Variants in SPSB1 observed in about 807,000 individuals in gnomAD.
SPSB1 encodes the protein SPRY domain-containing SOCS box protein 1.
In SPSB1, 8 loss-of-function variants were observed where a neutral mutation model predicts 21.2. The ratio of observed to expected loss-of-function variants is 0.38; its 90% CI spans 0.22 to 0.68. The LOEUF (loss-of-function observed/expected upper bound fraction) is 0.68. Among genes scored for constraint, SPSB1 ranks in the 30% least tolerant of loss-of-function variants. SPSB1 has a pLI of 0.53. For synonymous variants in SPSB1, 169 were observed against 161.7 expected (o/e 1.05, Z -0.34); for missense variants, 242 against 377.8 (o/e 0.64, Z 2.98).
intron 1 of SPSB1, among the ~76,000 whole-genome samples, chr1:9,334,140 C>G (rs11121372): frequency 6.6e-6 from 1 of 151,944 alleles, no homozygotes; most frequent in Non-Finnish European, 1.5e-5. Flanking sequence ...GGCTGGAGTG[C>G]GGTGGTGCGA....
Position 9,356,236 on chromosome 1 carries a change from G to T in SPSB1, c.345G>T (p.Val115=). 1 of 1,605,626 alleles carries T rather than the reference G, an allele frequency of 6.2e-7. No homozygotes were observed. The highest frequency in any genetic ancestry group is 8.5e-7 in the Non-Finnish European group (1 of 1,174,948). The change falls in exon 2 of 3, where the codon GTG becomes GTT. Residue 115 remains valine (V), a synonymous_variant. Coordinates refer to ENST00000328089, the MANE Select transcript of SPSB1 (RefSeq NM_025106.4). This position sits in a 1 kb window ranked among gnomAD's most constrained non-coding sequence, Gnocchi z 7.4. ...GACAGCGGGGCACACACGCCGTGGT[G>T]GGGGTGGCGACGGCAGACGCCCCCC... The part of the protein sequence containing the change: ...AMRQRGTHAV[V]GVATADAPLH...
At chr1:9,315,349 C>T (rs1639596299) in intron 1 of SPSB1, among the ~76,000 whole-genome samples, 1 of 152,272 alleles carries the variant, frequency 6.6e-6, no homozygotes, top group Non-Finnish European at 1.5e-5. Context: ...GAAGGCATCG[C>T]AGCAGCAGTC....
chr1:9,330,379 C>T (rs1007191876), intron 1 of SPSB1, among the ~76,000 whole-genome samples: 1 of 152,096 alleles, frequency 6.6e-6, no homozygotes, highest in African/African-American at 2.4e-5. Context: ...GCAGGAGAAT[C>T]GCTTGAACCC....
chr1:9,332,820 T>C (rs1002548000), intron 1 of SPSB1, among the ~76,000 whole-genome samples: 1 of 152,170 alleles, frequency 6.6e-6, no homozygotes, highest in Non-Finnish European at 1.5e-5. Flanking sequence ...GAGGTCATGA[T>C]CTTGGAAGAG....
chr1:9,356,370 CAT>C lies in SPSB1; in HGVS notation c.481_482del (p.Tyr161ProfsTer8). 6.2e-7 allele frequency: 1 copy of C among 1,614,158 alleles called. No homozygotes were observed. The highest frequency in any genetic ancestry group is 8.5e-7 in the Non-Finnish European group (1 of 1,180,038). ...GATGGCAAGAACCAGCCAAGCAAAA[CAT>C]ACCCAGCCTTTCTGGAACCAGATGA... On this transcript the variant is annotated frameshift_variant, in exon 2 of 3. Coordinates refer to ENST00000328089, the MANE Select transcript of SPSB1 (RefSeq NM_025106.4). LOFTEE classifies it high-confidence loss of function. The surrounding 1 kb of genome is among the most constrained non-coding windows in gnomAD (Gnocchi z 7.4).
rs1275074756 is a variant in SPSB1, at chr1:9,339,471, A to G, written c.-149-16272A>G. 2.0e-5 allele frequency among the ~76,000 whole-genome samples: 3 copies of G among 152,182 alleles called. No homozygotes were observed. The East Asian group carries it at 5.8e-4, about 29-fold the overall frequency. On this transcript the variant is annotated intron_variant, in intron 1 of 2. Transcript: ENST00000328089. ...GAGACGGCTGCAGTGGAGGCCAACC[A>G]GGGAAGGCTCCGTGGAGGAGGGGCC...
chr1:9,337,338 G>C (rs950322257), intron 1 of SPSB1, among the ~76,000 whole-genome samples: 3 of 152,256 alleles, frequency 2.0e-5, no homozygotes, highest in African/African-American at 7.2e-5. Context: ...GGGGCTCAGT[G>C]GGGGAAAGAG....
chr1:9,313,776 C>A (rs1484529666), intron 1 of SPSB1, among the ~76,000 whole-genome samples: 1 of 152,244 alleles, frequency 6.6e-6, no homozygotes, highest in African/African-American at 2.4e-5. Context: ...GCTTCAGTGG[C>A]TGGCCCTCAG....
At chr1:9,343,816 C>G (rs1417308572) in intron 1 of SPSB1, among the ~76,000 whole-genome samples, 1 of 152,148 alleles carries the variant, frequency 6.6e-6, no homozygotes, top group East Asian at 1.9e-4. Context: ...GACAGAGTCT[C>G]GCTCTGTTGC....
At chr1:9,362,050 A>AAC (rs1640489812) in intron 2 of SPSB1, among the ~76,000 whole-genome samples, 1 of 152,240 alleles carries the variant, frequency 6.6e-6, no homozygotes, top group African/African-American at 2.4e-5. Flanking sequence ...TTGAAGGTTC[A>AAC]GGGAAGGTCA....
intron 1 of SPSB1, among the ~76,000 whole-genome samples, chr1:9,299,914 T>G (rs1639299420): frequency 1.4e-5 from 2 of 144,224 alleles, no homozygotes; most frequent in African/African-American, 5.2e-5. Context: ...CAGTGAGCAG[T>G]GATTGTGTTA....
chr1:9,306,913 ACTTTTCTT>A (rs765392617), intron 1 of SPSB1, among the ~76,000 whole-genome samples: 2 of 103,526 alleles, frequency 1.9e-5, no homozygotes, highest in Non-Finnish European at 3.8e-5. Context: ...TTTTTCTTTT[ACTTTTCTT>A]CTTTTCTTCT....
intron 1 of SPSB1, among the ~76,000 whole-genome samples, chr1:9,336,862 T>C (rs1042754680): frequency 3.3e-5 from 5 of 152,166 alleles, no homozygotes; most frequent in African/African-American, 1.2e-4. Context: ...ATAGTCCCTG[T>C]CCAGAGACCC....
At chr1:9,325,164 G>T (rs1312980792) in intron 1 of SPSB1, among the ~76,000 whole-genome samples, 2 of 152,024 alleles carry the variant, frequency 1.3e-5, no homozygotes, top group Non-Finnish European at 2.9e-5. Flanking sequence ...CAGCCGGGGC[G>T]CTGGGCATCC....
chr1:9,356,125 T>G lies in SPSB1; in HGVS notation c.234T>G (p.His78Gln), dbSNP rs370150261. 6.2e-7 allele frequency: 1 copy of G among 1,601,140 alleles called. No individual in the cohort carries two copies. Among genetic ancestry groups the G allele is most frequent in the South Asian group, 1.1e-5 (1 of 89,920 alleles). Residue 78 changes from histidine to glutamine, a missense_variant, in exon 2 of 3, where the codon CAT (histidine) becomes CAG (glutamine). Coordinates refer to ENST00000328089, the MANE Select transcript of SPSB1 (RefSeq NM_025106.4). This position sits in a 1 kb window ranked among gnomAD's most constrained non-coding sequence, Gnocchi z 7.4. ...ACGACAAGCTCATCTTTCACCGGCA[T>G]CCGGTGGCCCAGAGCACGGACGCTA... ...KEDDKLIFHR[H>Q]PVAQSTDAIR...
At chr1:9,365,856 A>C (rs1640560974) in intron 2 of SPSB1, among the ~76,000 whole-genome samples, 2 of 152,196 alleles carry the variant, frequency 1.3e-5, no homozygotes, top group African/African-American at 4.8e-5. Flanking sequence ...CATTAGTTTC[A>C]GGGCTTTCCA....
At chr1:9,320,566 T>G (rs1639703455) in intron 1 of SPSB1, among the ~76,000 whole-genome samples, 1 of 152,212 alleles carries the variant, frequency 6.6e-6, no homozygotes, top group Non-Finnish European at 1.5e-5. Flanking sequence ...AGTTGTTCCT[T>G]GATACACAGA....
intron 1 of SPSB1, among the ~76,000 whole-genome samples, chr1:9,296,679 C>T (rs1281322475): frequency 1.3e-5 from 2 of 152,112 alleles, no homozygotes; most frequent in Non-Finnish European, 2.9e-5. Context: ...GTCAGGTCAT[C>T]TGTAGCTTCT....
intron 1 of SPSB1, among the ~76,000 whole-genome samples, chr1:9,344,574 C>T (rs189466879): frequency 1.3e-5 from 2 of 152,242 alleles, no homozygotes; most frequent in East Asian, 1.9e-4. Flanking sequence ...TGTTGAGAGG[C>T]GGCAGGAGGA....
Sources: allele counts gnomAD v4.1 joint callset (sites outside exome capture counted in the v4.1 genomes callset), GRCh38; gene constraint gnomAD v4.1.1; non-coding constraint Gnocchi (gnomAD v3.1); transcripts MANE v1.5; gene names NCBI Gene and HGNC (gene_info 2026-07-23, HGNC 2026-07-21).